GSK3B: variants seen among roughly 807,000 people sequenced by gnomAD.
The protein encoded by GSK3B is glycogen synthase kinase 3 beta.
A neutral mutation model predicts 56.4 loss-of-function variants in GSK3B; 15 were observed. The observed-to-expected ratio is 0.27, with a 90% CI of 0.18 to 0.41. The LOEUF is 0.41. GSK3B is among the 10% of genes least tolerant of loss of function. GSK3B has a pLI of 1.00. For synonymous variants in GSK3B, 181 were observed against 188.9 expected, an observed-to-expected ratio of 0.96 and a Z score of 0.34; for missense variants, 300 against 513.4, an observed-to-expected ratio of 0.58 and a Z score of 4.02.
intron 8 of GSK3B, among the ~76,000 whole-genome samples, chr3:119,866,851 G>C (rs1390341104): frequency 2.0e-5 from 3 of 151,940 alleles, no homozygotes; most frequent in Non-Finnish European, 4.4e-5. Flanking sequence ...AATTTTTTTT[G>C]ATTGTGCAAT....
intron 3 of GSK3B, among the ~76,000 whole-genome samples, chr3:119,943,866 G>C (rs748740653): frequency 1.3e-5 from 2 of 151,580 alleles, no homozygotes; most frequent in Non-Finnish European, 2.9e-5. Context: ...CCAAAAAGGG[G>C]GTGACACAGA....
chr3:119,929,936 C>T (rs903778993), intron 3 of GSK3B, among the ~76,000 whole-genome samples: 1 of 151,136 alleles, frequency 6.6e-6, no homozygotes, highest in Non-Finnish European at 1.5e-5. Flanking sequence ...TAATAATTAG[C>T]CAGGCCTGGC....
intron 1 of GSK3B, among the ~76,000 whole-genome samples, chr3:120,063,673 A>T (rs2058256054): frequency 6.7e-6 from 1 of 149,122 alleles, no homozygotes. Context: ...GGTTGCAGTG[A>T]GCCGAGATCG....
At chr3:120,029,073 T>C in intron 1 of GSK3B, 1 of 763,278 alleles carries the variant, frequency 1.3e-6, no homozygotes, top group East Asian at 2.6e-5. Flanking sequence ...GCTGTGCATT[T>C]GGATCAGCTA....
chr3:119,879,218 T>C (rs1330369541), intron 7 of GSK3B, among the ~76,000 whole-genome samples: 7 of 152,208 alleles, frequency 4.6e-5, no homozygotes, highest in Non-Finnish European at 7.3e-5. Flanking sequence ...TCTCACACTG[T>C]TGCCCAGGCT....
At chr3:120,040,651 A>C (rs1474237349) in intron 1 of GSK3B, among the ~76,000 whole-genome samples, 1 of 151,960 alleles carries the variant, frequency 6.6e-6, no homozygotes, top group African/African-American at 2.4e-5. Flanking sequence ...AAAGGATAAA[A>C]ACAGCAACAA....
At chr3:119,942,910 ATAGT>A (rs2057063889) in intron 3 of GSK3B, among the ~76,000 whole-genome samples, 1 of 152,232 alleles carries the variant, frequency 6.6e-6, no homozygotes, top group South Asian at 2.1e-4. Context: ...AAACTAAATC[ATAGT>A]TAGTTACTAC....
At chr3:119,922,819 T>C (rs889258558) in intron 4 of GSK3B, among the ~76,000 whole-genome samples, 24 of 152,146 alleles carry the variant, frequency 1.6e-4, no homozygotes, top group African/African-American at 5.3e-4. Flanking sequence ...ACAACTTTAA[T>C]ACAAATTATG....
At chr3:119,836,573 G>A (rs915410994) in intron 10 of GSK3B, among the ~76,000 whole-genome samples, 5 of 151,932 alleles carry the variant, frequency 3.3e-5, no homozygotes, top group African/African-American at 1.2e-4. Context: ...TAAAAACAAC[G>A]GTTTGATTTC....
intron 2 of GSK3B, among the ~76,000 whole-genome samples, chr3:119,954,932 T>C (rs968883910): frequency 6.6e-6 from 1 of 152,118 alleles, no homozygotes; most frequent in Non-Finnish European, 1.5e-5. Context: ...AAGCTTAATA[T>C]TGTGGGTGTA....
chr3:119,862,541 A>AAG (rs1553725618), intron 9 of GSK3B, among the ~76,000 whole-genome samples: 4 of 149,188 alleles, frequency 2.7e-5, no homozygotes, highest in African/African-American at 9.8e-5. Flanking sequence ...AAAAAAAAAA[A>AAG]AAGAAAGATA....
At chr3:120,027,762 C>T (rs889879827) in intron 1 of GSK3B, among the ~76,000 whole-genome samples, 1 of 152,074 alleles carries the variant, frequency 6.6e-6, no homozygotes, top group East Asian at 1.9e-4. Flanking sequence ...CACAAACACA[C>T]CAAAAAGTAA....
chr3:119,948,005 A>C (rs1287543085), intron 2 of GSK3B, among the ~76,000 whole-genome samples: 5 of 152,238 alleles, frequency 3.3e-5, no homozygotes, highest in African/African-American at 1.2e-4. Flanking sequence ...TCACTAAATA[A>C]TATGATGATT....
At chr3:120,068,245 G>A (rs979630616) in intron 1 of GSK3B, among the ~76,000 whole-genome samples, 11 of 151,878 alleles carry the variant, frequency 7.2e-5, no homozygotes, top group Non-Finnish European at 1.5e-5. Context: ...ACAAAAATTA[G>A]CCAGACATGG....
intron 7 of GSK3B, among the ~76,000 whole-genome samples, chr3:119,886,315 G>T (rs1183792017): frequency 6.6e-6 from 1 of 152,038 alleles, no homozygotes; most frequent in Admixed American, 6.6e-5. Context: ...AATCATCAGA[G>T]AAATGCAAGT....
Position 119,825,389 on chromosome 3 carries a change from A to C in GSK3B, c.*1399T>G. The stretch of plus-strand genomic sequence containing the variant: ...GATTCTTAACATCGTTCACTGATAC[A>C]CAAAGAAAACAGACACAAAAACTCT... On this transcript the variant is annotated 3_prime_UTR_variant, in exon 11 of 11. Coordinates refer to ENST00000264235, the MANE Select transcript of GSK3B (RefSeq NM_001146156.2). The C allele has an allele frequency of 8.7e-6, 2 of 230,848 alleles. No homozygotes were observed. The highest frequency in any genetic ancestry group is 1.7e-5 in the Non-Finnish European group (2 of 116,546). 14.3% of individuals were successfully genotyped at this position (230,848 alleles called of 1,614,324 possible).
At chr3:119,991,247 C>T (rs548114134) in intron 2 of GSK3B, among the ~76,000 whole-genome samples, 9 of 152,260 alleles carry the variant, frequency 5.9e-5, no homozygotes, top group African/African-American at 1.4e-4. Context: ...GGTACCTACC[C>T]AATCTTTATC....
chr3:120,053,313 G>A (rs1283105729), intron 1 of GSK3B, among the ~76,000 whole-genome samples: 1 of 152,006 alleles, frequency 6.6e-6, no homozygotes, highest in Non-Finnish European at 1.5e-5. Flanking sequence ...CTCCAGCCTG[G>A]GCGACAGAGT....
At chr3:119,859,366 C>T (rs569071713) in intron 9 of GSK3B, among the ~76,000 whole-genome samples, 16 of 152,182 alleles carry the variant, frequency 1.1e-4, no homozygotes, top group Admixed American at 3.3e-4. Context: ...ATGCACTGAC[C>T]TTATTTATGT....
Sources: allele counts gnomAD v4.1 joint callset (sites outside exome capture counted in the v4.1 genomes callset), GRCh38; gene constraint gnomAD v4.1.1; transcripts MANE v1.5; gene names NCBI Gene and HGNC (gene_info 2026-07-23, HGNC 2026-07-21).